PTPRS: variants seen among roughly 807,000 people sequenced by gnomAD.
PTPRS encodes the protein protein tyrosine phosphatase receptor type S, also known as receptor-type tyrosine-protein phosphatase S.
Under a neutral mutation model 215.3 loss-of-function variants are expected in PTPRS, and 63 were observed. That is an observed-to-expected ratio of 0.29 (90% CI 0.24 to 0.36). The LOEUF is 0.36. Ranked by LOEUF, PTPRS falls within the 10% of genes least tolerant of loss-of-function variation. The pLI is 1.00. For missense variants in PTPRS, 2,258 were observed against 2,825.8 expected, an observed-to-expected ratio of 0.80 and a Z score of 4.56; for synonymous variants, 1,404 against 1,191.4, an observed-to-expected ratio of 1.18 and a Z score of -3.68.
intron 1 of PTPRS, among the ~76,000 whole-genome samples, chr19:5,320,622 C>T (rs1422996684): frequency 1.3e-5 from 2 of 151,956 alleles, no homozygotes; most frequent in Non-Finnish European, 1.5e-5. Flanking sequence ...GATGGGGTTT[C>T]GCCATGTTGA....
chr19:5,286,267 G>T, intron 1 of PTPRS, 33 bp from the exon 2 acceptor site: 2 of 1,057,102 alleles, frequency 1.9e-6, no homozygotes, highest in Non-Finnish European at 2.8e-6. Flanking sequence ...TGAGAGGCGA[G>T]TGGGGAAATC....
Position 5,257,204 on chromosome 19 carries a change from C to A in PTPRS, c.706+813G>T, listed in dbSNP as rs1176670424. 6.6e-6 allele frequency among the ~76,000 whole-genome samples: 1 copy of A among 151,398 alleles called. No individual in the cohort carries two copies. The highest frequency in any genetic ancestry group is 1.5e-5 in the Non-Finnish European group (1 of 67,822). On this transcript the variant is annotated intron_variant, in intron 8 of 37. Transcript: ENST00000262963. The surrounding 1 kb of genome is among the most constrained non-coding windows in gnomAD (Gnocchi z 4.4). ...AGGGAGCCCCCTGGCACCTTTGAGG[C>A]AGCACCAAGGGACCCACAAGGAAGT...
Position 5,210,846 on chromosome 19 carries a change from A to C in PTPRS, c.5235-41T>G, listed in dbSNP as rs1013921071. 1.9e-6 allele frequency: 3 copies of C among 1,598,030 alleles called. No individual in the cohort carries two copies. Among genetic ancestry groups the C allele is most frequent in the Non-Finnish European group, 1.7e-6 (2 of 1,174,734 alleles). On this transcript the variant is annotated intron_variant, in intron 33 of 37. Transcript: ENST00000262963. The surrounding 1 kb of genome is among the most constrained non-coding windows in gnomAD (Gnocchi z 4.5). ...GTATGAGCCCAGGGCCGGCAGGGAGACCCGGCGTGGTACTCACCTGATGCT... is the reference window on the plus strand; with the variant it reads ...GTATGAGCCCAGGGCCGGCAGGGAGCCCCGGCGTGGTACTCACCTGATGCT...
In PTPRS at chr19:5,225,803, G is replaced by A. The variant is rs139402780; in HGVS notation, c.2418C>T (p.Ser806=). ...ITNLQPETAY[S]ITVAAYTMKG... is the part of the protein sequence containing the mutation. Reference sequence around the variant, plus strand: ...TCATGGTGTAGGCGGCTACCGTGATGGAGTACGCGGTCTCAGGCTGCAAGT... The same window carrying A: ...TCATGGTGTAGGCGGCTACCGTGATAGAGTACGCGGTCTCAGGCTGCAAGT... Residue 806 remains serine, a synonymous_variant, in exon 17 of 38, where the codon TCC becomes TCT. Transcript: ENST00000262963. 13 of 1,613,940 alleles carry A rather than the reference G, an allele frequency of 8.1e-6. No homozygotes were observed. The African/African-American group carries it at 1.7e-4, about 22-fold the overall frequency.
intron 2 of PTPRS, among the ~76,000 whole-genome samples, chr19:5,275,291 C>T (rs749608903): frequency 7.2e-5 from 11 of 151,918 alleles, no homozygotes; most frequent in Non-Finnish European, 1.5e-4. Context: ...AGGATGGTCT[C>T]GGTCTCCTGA....
intron 1 of PTPRS, among the ~76,000 whole-genome samples, chr19:5,292,526 G>A (rs1193839644): frequency 6.6e-6 from 1 of 152,188 alleles, no homozygotes; most frequent in East Asian, 1.9e-4. Flanking sequence ...GGTACGAGCT[G>A]CCCTGACCGT....
intron 12 of PTPRS, among the ~76,000 whole-genome samples, chr19:5,239,335 GAAAC>G (rs2043800411): frequency 6.6e-6 from 1 of 151,782 alleles, no homozygotes; most frequent in East Asian, 1.9e-4. Flanking sequence ...GAGACAGAGA[GAAAC>G]AGGGGAGAGA....
chr19:5,207,080 A>C (rs1180107433), intron 37 of PTPRS, among the ~76,000 whole-genome samples: 1 of 152,050 alleles, frequency 6.6e-6, no homozygotes, highest in African/African-American at 2.4e-5. Context: ...GGCCCTATTC[A>C]TCTTTTCTTT....
At chr19:5,255,839 T>C (rs1489860554) in intron 9 of PTPRS, among the ~76,000 whole-genome samples, 1 of 152,266 alleles carries the variant, frequency 6.6e-6, no homozygotes, top group African/African-American at 2.4e-5. Flanking sequence ...ATCGCATGTG[T>C]GCGGCCGGCC....
Position 5,229,341 on chromosome 19 carries a change from C to A in PTPRS, c.2351G>T (p.Trp784Leu). 1 of 1,382,962 alleles carries A rather than the reference C, an allele frequency of 7.2e-7. No individual in the cohort carries two copies. Among genetic ancestry groups the A allele is most frequent in the Non-Finnish European group, 9.4e-7 (1 of 1,063,718 alleles). 85.7% of individuals were successfully genotyped at this position (1,382,962 alleles called of 1,614,324 possible). The change falls in exon 16 of 38, where the codon TGG becomes TTG. Residue 784 changes from tryptophan (W) to leucine (L), a missense_variant and splice_region_variant. By Grantham distance (61) the Trp-to-Leu change is moderately conservative. Transcript: ENST00000262963. ...IKDVMLADAQ[W>L]ETDDTAEYEM... ...ATATTCGGCCGTGTCATCCGTCTCC[C>A]ACTGAGCGCGGGAGGAGGCGGCAGG...
At chr19:5,241,392 T>G (rs2044030324) in intron 11 of PTPRS, among the ~76,000 whole-genome samples, 1 of 151,270 alleles carries the variant, frequency 6.6e-6, no homozygotes, top group Non-Finnish European at 1.5e-5. Flanking sequence ...CAGGTGATCC[T>G]CTCGCCTCAC....
intron 1 of PTPRS, among the ~76,000 whole-genome samples, chr19:5,292,464 A>T (rs1600031939): frequency 6.6e-6 from 1 of 152,168 alleles, no homozygotes; most frequent in African/African-American, 2.4e-5. Context: ...TCAGCTCAGT[A>T]CTTGGGTCCT....
intron 20 of PTPRS, 139 bp from the exon 21 acceptor site, chr19:5,220,492 C>G: frequency 1.4e-6 from 1 of 717,518 alleles, no homozygotes; most frequent in Admixed American, 2.3e-5. Flanking sequence ...TATGCCCCAT[C>G]CACAAACGCC....
intron 9 of PTPRS, among the ~76,000 whole-genome samples, chr19:5,254,223 A>C (rs2045376422): frequency 6.6e-6 from 1 of 152,182 alleles, no homozygotes; most frequent in East Asian, 1.9e-4. Context: ...ATGCTGGGTT[A>C]ATAAGCAAAT....
rs71170899 is a variant in PTPRS, at chr19:5,228,347, GAAAAA to G, written c.2376+964_2376+968del. 3.8e-5 allele frequency among the ~76,000 whole-genome samples: 4 copies of G among 105,888 alleles called. No individual in the cohort carries two copies. The South Asian group carries it at 1.0e-3, about 27-fold the overall frequency. 69.5% of individuals were successfully genotyped at this position (105,888 alleles called of 152,430 possible). On this transcript the variant is annotated intron_variant, in intron 16 of 37. Transcript: ENST00000262963. ...GCGATAGTGTGAGACTCCGTCTGGA[GAAAAA>G]AAAAAAAAAAAGAGACAGGGTCTCC...
Position 5,221,105 on chromosome 19 carries a change from G to C in PTPRS, c.3350C>G (p.Thr1117Ser), listed in dbSNP as rs1458048934. The change falls in exon 20 of 38, where the codon ACT (threonine) becomes AGT (serine). Residue 1117 changes from threonine to serine, a missense_variant. By Grantham distance (58) the Thr-to-Ser change is moderately conservative. This residue lies in a region of PTPRS where 927 missense variants were observed against 1,125.9 expected (regional missense o/e 0.82). Coordinates refer to ENST00000262963, the MANE Select transcript of PTPRS (RefSeq NM_002850.4). ...CTTGCCGTTGAGCAGGTTGAAGGCA[G>C]TCCAGGCGGTGACCGTCTGCTGGAG... ...GGLQQTVTAW[T>S]AFNLLNGKPS... is the part of the protein sequence containing the mutation. 1 of 1,613,936 alleles carries C rather than the reference G, an allele frequency of 6.2e-7. No homozygotes were observed. The highest frequency in any genetic ancestry group is 8.5e-7 in the Non-Finnish European group (1 of 1,180,006).
Position 5,233,923 on chromosome 19 carries a change from G to A in PTPRS, c.1850-2308C>T, listed in dbSNP as rs529539844. Among the ~76,000 whole-genome samples, 6 of 113,108 alleles carry A rather than the reference G, an allele frequency of 5.3e-5. No individual in the cohort carries two copies. The South Asian group carries it at 9.6e-4, about 18-fold the overall frequency. The allele number at this position is 113,108 out of a possible 152,430, so 74.2% of individuals were successfully genotyped here. A position where few individuals can be genotyped will look rare whatever the true frequency, so the allele number is the denominator to read the frequency against. On this transcript the variant is annotated intron_variant, in intron 13 of 37. Coordinates refer to ENST00000262963, the MANE Select transcript of PTPRS (RefSeq NM_002850.4). ...ATCGTGCCACTGTACTCCAGCCTGG[G>A]CAACAGGGCAAGACTCCATCTCCAA... is the stretch of plus-strand genomic sequence containing the variant.
chr19:5,330,420 C>T (rs1479435473), intron 1 of PTPRS, among the ~76,000 whole-genome samples: 2 of 152,208 alleles, frequency 1.3e-5, no homozygotes, highest in African/African-American at 2.4e-5. Flanking sequence ...GGAGCATTAG[C>T]GGCCCCCACC....
chr19:5,315,694 G>A (rs936336773), intron 1 of PTPRS, among the ~76,000 whole-genome samples: 4 of 150,762 alleles, frequency 2.7e-5, no homozygotes, highest in African/African-American at 4.9e-5. Context: ...GTCTTGCTAT[G>A]TTGCCCCACC....
Sources: allele counts gnomAD v4.1 joint callset (sites outside exome capture counted in the v4.1 genomes callset), GRCh38; gene constraint gnomAD v4.1.1; regional missense constraint gnomAD v4.1.1; non-coding constraint Gnocchi (gnomAD v3.1); transcripts MANE v1.5; gene names NCBI Gene and HGNC (gene_info 2026-07-23, HGNC 2026-07-21).